Variants in C3orf85 observed in about 807,000 individuals in gnomAD.
The protein encoded by C3orf85 is uncharacterized protein C3orf85.
C3orf85 carries 1 observed loss-of-function variant against 1.7 expected under a neutral mutation model. The ratio of observed to expected loss-of-function variants is 0.60; its 90% CI spans 0.21 to 2.86. C3orf85 has a LOEUF of 2.86. Among genes scored for constraint, C3orf85 ranks in the 30% most tolerant of loss-of-function variants. The pLI, the probability that C3orf85 is intolerant of heterozygous loss-of-function variation, is 0.22. For synonymous variants in C3orf85, 17 were observed against 8.0 expected (o/e 2.13, Z -1.90); for missense variants, 29 against 21.3 (o/e 1.36, Z -0.72).
At chr3:109,138,908 A>T (rs1157112700) in intron 2 of C3orf85, among the ~76,000 whole-genome samples, 1 of 152,246 alleles carries the variant, frequency 6.6e-6, no homozygotes, top group Non-Finnish European at 1.5e-5. Flanking sequence ...TCAGAAATGA[A>T]GGAGAGATAA....
intron 2 of C3orf85, among the ~76,000 whole-genome samples, chr3:109,143,669 G>T (rs1706765276): frequency 6.6e-6 from 1 of 152,162 alleles, no homozygotes; most frequent in Non-Finnish European, 1.5e-5. Flanking sequence ...TGACCTATTT[G>T]TTATTAATAC....
intron 3 of C3orf85, chr3:109,148,692 G>T: frequency 3.3e-6 from 1 of 306,626 alleles, no homozygotes. Flanking sequence ...ATGTCAATTG[G>T]AATTACTTGT....
At position 109,137,489 on chromosome 3, in the gene C3orf85, T is replaced by A. The variant is rs148660908; in HGVS notation, c.49+593T>A. On this transcript the variant is annotated intron_variant, in intron 2 of 3. Transcript: ENST00000622536. ...TATCTTCATGGTTAAATCTCTATAA[T>A]TTATAAATATTTCTGATGCAGATGC... Among the ~76,000 whole-genome samples, 98 of 151,840 alleles carry A rather than the reference T, an allele frequency of 6.5e-4. 3 individuals are homozygous for A. In the East Asian group the frequency reaches 0.015, roughly 23 times the overall value.
intron 2 of C3orf85, among the ~76,000 whole-genome samples, chr3:109,145,588 C>G (rs1255493860): frequency 6.6e-6 from 1 of 152,178 alleles, no homozygotes; most frequent in East Asian, 1.9e-4. Flanking sequence ...TTTAATACCA[C>G]TGAATTGTAC....
chr3:109,142,905 T>C (rs748302858), intron 2 of C3orf85, among the ~76,000 whole-genome samples: 4 of 152,190 alleles, frequency 2.6e-5, no homozygotes, highest in Non-Finnish European at 5.9e-5. Context: ...ATTTGGAAAA[T>C]GTAGCTTAGT....
intron 2 of C3orf85, among the ~76,000 whole-genome samples, chr3:109,140,318 A>G (rs894773272): frequency 1.3e-5 from 2 of 152,214 alleles, no homozygotes; most frequent in African/African-American, 4.8e-5. Context: ...ACGGTAAAAC[A>G]ACACAGCAAA....
At chr3:109,144,193 A>T (rs1202633397) in intron 2 of C3orf85, among the ~76,000 whole-genome samples, 2 of 152,194 alleles carry the variant, frequency 1.3e-5, no homozygotes, top group Non-Finnish European at 2.9e-5. Context: ...AGATAGGTTC[A>T]CAAACACAAA....
At chr3:109,140,184 A>AT (rs1706729970) in intron 2 of C3orf85, among the ~76,000 whole-genome samples, 1 of 152,202 alleles carries the variant, frequency 6.6e-6, no homozygotes, top group South Asian at 2.1e-4. Flanking sequence ...CTGGAAAATA[A>AT]TTTGGCTGGA....
At chr3:109,147,294 G>A (rs961756146) in intron 2 of C3orf85, among the ~76,000 whole-genome samples, 1 of 152,170 alleles carries the variant, frequency 6.6e-6, no homozygotes, top group Non-Finnish European at 1.5e-5. Flanking sequence ...AATAAACAGA[G>A]AGCCCCATAG....
At chr3:109,145,448 A>G (rs745731525) in intron 2 of C3orf85, among the ~76,000 whole-genome samples, 3 of 152,154 alleles carry the variant, frequency 2.0e-5, no homozygotes, top group African/African-American at 7.2e-5. Flanking sequence ...AAAAGAAAGT[A>G]GAATAGTAGT....
At chr3:109,137,186 G>C (rs913168929) in intron 2 of C3orf85, among the ~76,000 whole-genome samples, 3 of 151,936 alleles carry the variant, frequency 2.0e-5, no homozygotes, top group African/African-American at 4.8e-5. Context: ...TTGTGTCCTT[G>C]AACAAAGAAA....
chr3:109,138,351 A>C (rs1221965285), intron 2 of C3orf85, among the ~76,000 whole-genome samples: 1 of 152,212 alleles, frequency 6.6e-6, no homozygotes, highest in African/African-American at 2.4e-5. Flanking sequence ...CAGATTGAGG[A>C]GACTGATGCC....
At chr3:109,142,951 A>G (rs1192486883) in intron 2 of C3orf85, among the ~76,000 whole-genome samples, 2 of 152,210 alleles carry the variant, frequency 1.3e-5, no homozygotes, top group Admixed American at 6.5e-5. Flanking sequence ...TGGACCCCCA[A>G]ATTTGGCAAA....
At chr3:109,148,001 T>A in intron 2 of C3orf85, among the ~76,000 whole-genome samples, 1 of 152,202 alleles carries the variant, frequency 6.6e-6, no homozygotes, top group Non-Finnish European at 1.5e-5. Flanking sequence ...ATGGAAGCTC[T>A]GATATCCTGC....
rs1477005386 is a variant in C3orf85, at chr3:109,146,657, C to T, written c.50-1596C>T. ...TTCTCCCTCAGGGCTGCTTGAGCGC[C>T]CTCACGACATGGCAGCTGACTTTTC... is the stretch of plus-strand genomic sequence containing the variant. On this transcript the variant is annotated intron_variant, in intron 2 of 3. Transcript: ENST00000622536. 1.4e-4 allele frequency among the ~76,000 whole-genome samples: 22 copies of T among 152,106 alleles called. 1 individual carries two copies. The highest frequency in any genetic ancestry group is 1.4e-3 in the Admixed American group (21 of 15,272).
At chr3:109,144,469 A>G (rs1706774085) in intron 2 of C3orf85, among the ~76,000 whole-genome samples, 1 of 152,148 alleles carries the variant, frequency 6.6e-6, no homozygotes, top group African/African-American at 2.4e-5. Flanking sequence ...ATTAAGATTT[A>G]TTGGATGCCT....
chr3:109,146,750 A>T (rs1434988289), intron 2 of C3orf85, among the ~76,000 whole-genome samples: 1 of 152,124 alleles, frequency 6.6e-6, no homozygotes, highest in East Asian at 1.9e-4. Context: ...TAGCCACAAA[A>T]ATTGCACACA....
chr3:109,150,860 C>G lies in C3orf85; in HGVS notation c.*966C>G, dbSNP rs1468422949. ...CTTTTAAGGTAAATGGAAACATTTC[C>G]CTAAGACCTTAGTTGATCTTATGTG... is the stretch of plus-strand genomic sequence containing the variant. On this transcript the variant is annotated 3_prime_UTR_variant, in exon 4 of 4. Coordinates refer to ENST00000622536, the MANE Select transcript of C3orf85 (RefSeq NM_001351622.2). Among the ~76,000 whole-genome samples the G allele has an allele frequency of 6.6e-6, 1 of 152,096 alleles. No individual in the cohort carries two copies. The highest frequency in any genetic ancestry group is 1.5e-5 in the Non-Finnish European group (1 of 68,030).
intron 3 of C3orf85, chr3:109,148,683 T>C: frequency 3.1e-6 from 1 of 319,902 alleles, no homozygotes; most frequent in Non-Finnish European, 5.8e-6. Flanking sequence ...GCTCTCAAAA[T>C]GTCAATTGGA....
Sources: allele counts gnomAD v4.1 joint callset (sites outside exome capture counted in the v4.1 genomes callset), GRCh38; gene constraint gnomAD v4.1.1; transcripts MANE v1.5; gene names NCBI Gene and HGNC (gene_info 2026-07-23, HGNC 2026-07-21).